ACACA: variants seen among roughly 807,000 people sequenced by gnomAD.
The protein encoded by ACACA is acetyl-CoA carboxylase 1.
Under a neutral mutation model 296.1 loss-of-function variants are expected in ACACA, and 103 were observed. The observed-to-expected ratio is 0.35, with a 90% CI of 0.30 to 0.41. ACACA has a LOEUF of 0.41. Ranked by LOEUF, ACACA falls within the 10% of genes least tolerant of loss-of-function variation. The pLI is 1.00. For synonymous variants in ACACA, 953 were observed against 1,038.6 expected (o/e 0.92, Z 1.58); for missense variants, 1,554 against 2,989.7 (o/e 0.52, Z 11.20).
At chr17:37,115,335 T>G (rs907892096) in intron 50 of ACACA, among the ~76,000 whole-genome samples, 7 of 152,216 alleles carry the variant, frequency 4.6e-5, no homozygotes, top group African/African-American at 1.4e-4. Context: ...CATAATAAAA[T>G]AATTGTGTAA....
At chr17:37,385,381 G>A (rs927507295) in intron 1 of ACACA, among the ~76,000 whole-genome samples, 2 of 152,072 alleles carry the variant, frequency 1.3e-5, no homozygotes, top group Admixed American at 6.6e-5. Flanking sequence ...GCTGAGGCAC[G>A]AGAATCATTT....
chr17:37,189,289 G>A (rs2077656575), intron 38 of ACACA, among the ~76,000 whole-genome samples: 1 of 152,172 alleles, frequency 6.6e-6, no homozygotes, highest in African/African-American at 2.4e-5. Context: ...CGAACTTAAT[G>A]TATCCTTAAA....
chr17:37,091,338 T>TACGCAAAGTACAACTGGATG (rs2072617821), intron 54 of ACACA, among the ~76,000 whole-genome samples: 2 of 152,216 alleles, frequency 1.3e-5, no homozygotes, highest in African/African-American at 2.4e-5. Flanking sequence ...ATCTGCTGTT[T>TACGCAAAGTACAACTGGATG]ACGCAAAGTA....
At chr17:37,132,037 C>T (rs1255100725) in intron 45 of ACACA, among the ~76,000 whole-genome samples, 1 of 152,184 alleles carries the variant, frequency 6.6e-6, no homozygotes, top group Non-Finnish European at 1.5e-5. Flanking sequence ...CATTTGCCCT[C>T]TCTCTGACTG....
intron 16 of ACACA, 109 bp downstream of exon 16, chr17:37,251,896 A>T (rs2081011637): frequency 1.0e-6 from 1 of 1,003,262 alleles, no homozygotes; most frequent in Non-Finnish European, 1.6e-6. Flanking sequence ...AACAAGTAGC[A>T]CTCATAAGCT....
At chr17:37,263,269 G>A (rs912662493) in intron 11 of ACACA, among the ~76,000 whole-genome samples, 12 of 152,136 alleles carry the variant, frequency 7.9e-5, no homozygotes, top group African/African-American at 2.9e-4. Context: ...GATAGAATGT[G>A]TGAACTCTGA....
At position 37,333,020 on chromosome 17, in the gene ACACA, A is replaced by G. The variant is rs942871926; in HGVS notation, c.86-2595T>C. Among the ~76,000 whole-genome samples the G allele has an allele frequency of 2.0e-5, 3 of 152,220 alleles. No homozygotes were observed. In the East Asian group the frequency reaches 5.8e-4, roughly 29 times the overall value. On this transcript the variant is annotated intron_variant, in intron 2 of 55. Transcript: ENST00000616317. ...ACTGATGGAAGTTCCTTTGTAGAAA[A>G]AGGACTTTGAAAAGTGGGGTATGCA...
At chr17:37,327,886 T>C (rs765533742) in intron 3 of ACACA, among the ~76,000 whole-genome samples, 30 of 152,200 alleles carry the variant, frequency 2.0e-4, no homozygotes, top group Non-Finnish European at 4.0e-4. Flanking sequence ...TAAATGCAAG[T>C]AGTCCTGCCA....
intron 19 of ACACA, 55 bp downstream of exon 19, chr17:37,246,771 G>A (rs957531854): frequency 4.1e-5 from 65 of 1,602,454 alleles, no homozygotes; most frequent in Admixed American, 2.2e-4. Flanking sequence ...CATCCCAGCC[G>A]ACCCTTTTCC....
intron 14 of ACACA, 121 bp from the exon 15 acceptor site, chr17:37,253,157 C>A: frequency 1.5e-6 from 2 of 1,374,228 alleles, no homozygotes; most frequent in Non-Finnish European, 2.0e-6. Flanking sequence ...TTTGGGAGGC[C>A]AAGACAAGGC....
chr17:37,403,970 G>A (rs2051378353), intron 1 of ACACA, among the ~76,000 whole-genome samples: 2 of 151,872 alleles, frequency 1.3e-5, no homozygotes, highest in African/African-American at 4.8e-5. Context: ...ATGGGTTTTC[G>A]CCATGTTGCC....
At chr17:37,338,873 G>A (rs935894332) in intron 2 of ACACA, among the ~76,000 whole-genome samples, 1 of 150,246 alleles carries the variant, frequency 6.7e-6, no homozygotes, top group Admixed American at 6.7e-5. Flanking sequence ...CCAGGAGGCA[G>A]AGGTTGCAGT....
intron 26 of ACACA, chr17:37,225,633 G>A (rs569465925): frequency 3.9e-4 from 69 of 175,394 alleles, no homozygotes; most frequent in African/African-American, 1.2e-3. Context: ...TGAAAGCAGT[G>A]TCACAAACAA....
In ACACA at chr17:37,240,518, G is replaced by A. The variant is rs754765174; in HGVS notation, c.3079C>T (p.Leu1027=). The part of the protein sequence containing the change: ...RGHMKAVVMD[L]LRQYLRVETQ... ...TCTACTCGCAGGTACTGCCGGAGCAGATCCATCACCACAGCCTTCATGTGG... is the reference window on the plus strand; with the variant it reads ...TCTACTCGCAGGTACTGCCGGAGCAAATCCATCACCACAGCCTTCATGTGG... The change falls in exon 24 of 56, where the codon CTG becomes TTG. Residue 1027 remains leucine (L), a synonymous_variant. Transcript: ENST00000616317. 1 of 1,613,778 alleles carries A rather than the reference G, an allele frequency of 6.2e-7. No homozygotes were observed. The highest frequency in any genetic ancestry group is 8.5e-7 in the Non-Finnish European group (1 of 1,179,996).
At chr17:37,282,496 AATAAG>A (rs1217037813) in intron 5 of ACACA, among the ~76,000 whole-genome samples, 1 of 152,234 alleles carries the variant, frequency 6.6e-6, no homozygotes, top group Non-Finnish European at 1.5e-5. Context: ...TCAATTTCTA[AATAAG>A]ATGATATAAT....
chr17:37,380,553 C>A (rs888823288), intron 1 of ACACA, among the ~76,000 whole-genome samples: 2 of 152,050 alleles, frequency 1.3e-5, no homozygotes, highest in African/African-American at 4.8e-5. Context: ...CATGTGATCT[C>A]CATTTCTGAT....
intron 1 of ACACA, among the ~76,000 whole-genome samples, chr17:37,350,993 C>T (rs1597678871): frequency 7.0e-6 from 1 of 143,214 alleles, no homozygotes; most frequent in Admixed American, 7.1e-5. Context: ...ATTAGAGGGG[C>T]GTGGTGGAGC....
chr17:37,260,184 G>GT (rs2081384249), intron 11 of ACACA, among the ~76,000 whole-genome samples: 1 of 132,716 alleles, frequency 7.5e-6, no homozygotes, highest in Admixed American at 7.8e-5. Flanking sequence ...GCCTGGCCTG[G>GT]TTAGTGGCTA....
At chr17:37,343,588 A>G (rs1000848639) in intron 1 of ACACA, among the ~76,000 whole-genome samples, 38 of 152,068 alleles carry the variant, frequency 2.5e-4, no homozygotes, top group African/African-American at 8.2e-4. Flanking sequence ...AAGATGGTGA[A>G]ACCCCATCTC....
Sources: gnomAD v4.1 joint callset for allele counts (sites outside exome capture counted in the v4.1 genomes callset) on GRCh38, gnomAD v4.1.1 for gene constraint, MANE v1.5 for transcripts, NCBI Gene and HGNC (gene_info 2026-07-23, HGNC 2026-07-21) for gene names.